Variants in LRRC37A2 observed in about 807,000 individuals in gnomAD.
LRRC37A2 encodes the protein leucine rich repeat containing 37 member A2.
LRRC37A2 carries 9 observed loss-of-function variants against 68.8 expected under a neutral mutation model. That is an observed-to-expected ratio of 0.13 (90% CI 0.08 to 0.23). The LOEUF (loss-of-function observed/expected upper bound fraction) is 0.23. LRRC37A2 is among the 10% of genes least tolerant of loss of function. LRRC37A2 has a pLI of 1.00. For missense variants in LRRC37A2, 168 were observed against 950.4 expected (o/e 0.18, Z 10.82); for synonymous variants, 63 against 367.6 (o/e 0.17, Z 9.48).
At chr17:47,037,661 C>T in the LRRC37A2 span, among the ~76,000 whole-genome samples, 1 of 152,198 alleles carries the variant, frequency 6.6e-6, no homozygotes. Flanking sequence ...GTTCTCTCCT[C>T]ATCTGTATTT....
chr17:46,721,809 G>A, the LRRC37A2 span: 17 of 1,599,126 alleles, frequency 1.1e-5, no homozygotes, highest in Non-Finnish European at 1.5e-5. Flanking sequence ...GTCAGAGTAC[G>A]GCTCCTGGGA....
the LRRC37A2 span, among the ~76,000 whole-genome samples, chr17:46,722,987 GC>G: frequency 9.8e-5 from 15 of 152,328 alleles, no homozygotes; most frequent in Non-Finnish European, 1.9e-4. Context: ...TTAAGTGACT[GC>G]TGCAGGTATT....
At chr17:46,543,660 T>C (rs1437828271) in intron 8 of LRRC37A2, among the ~76,000 whole-genome samples, 5 of 150,840 alleles carry the variant, frequency 3.3e-5, no homozygotes, top group Non-Finnish European at 7.3e-5. Flanking sequence ...GTCCAGAAAA[T>C]GTATAGACAT....
chr17:47,016,672 T>C, the LRRC37A2 span, among the ~76,000 whole-genome samples: 15,033 of 28,976 alleles, frequency 0.52, 3,980 homozygotes, highest in South Asian at 0.73. Flanking sequence ...AGTCCTCGCT[T>C]ATTCCCTGGC....
the LRRC37A2 span, chr17:46,979,020 C>T: frequency 1.0e-5 from 14 of 1,393,038 alleles, no homozygotes; most frequent in Non-Finnish European, 1.3e-5. Context: ...CCGCGCGGCG[C>T]CGGGGGTCTC....
At chr17:47,022,422 G>A in the LRRC37A2 span, among the ~76,000 whole-genome samples, 1 of 149,448 alleles carries the variant, frequency 6.7e-6, no homozygotes, top group Non-Finnish European at 1.5e-5. Flanking sequence ...CTCCCACCTT[G>A]GCCTCTTAAA....
chr17:46,804,728 A>T, the LRRC37A2 span, among the ~76,000 whole-genome samples: 1 of 152,200 alleles, frequency 6.6e-6, no homozygotes, highest in Non-Finnish European at 1.5e-5. Context: ...TCAACTGGGG[A>T]CTTGGAGAAC....
chr17:47,030,063 A>AAAT, the LRRC37A2 span, among the ~76,000 whole-genome samples: 3,365 of 75,194 alleles, frequency 0.045, 177 homozygotes, highest in Admixed American at 0.048. Flanking sequence ...ACTCTGTCTC[A>AAAT]AATAATAATA....
the LRRC37A2 span, among the ~76,000 whole-genome samples, chr17:46,820,845 C>T: frequency 3.9e-5 from 6 of 152,270 alleles, no homozygotes; most frequent in East Asian, 1.2e-3. Context: ...AGCCCCATGA[C>T]AGTGGTGCTG....
At chr17:46,844,186 G>A in the LRRC37A2 span, among the ~76,000 whole-genome samples, 1 of 151,896 alleles carries the variant, frequency 6.6e-6, no homozygotes, top group Non-Finnish European at 1.5e-5. Context: ...TGAACTCCTG[G>A]CCTCAAGCAA....
chr17:46,867,655 T>C, the LRRC37A2 span, among the ~76,000 whole-genome samples: 1 of 152,184 alleles, frequency 6.6e-6, no homozygotes, highest in Non-Finnish European at 1.5e-5. Flanking sequence ...TCTGCTTCCT[T>C]CAAGGTCACC....
the LRRC37A2 span, among the ~76,000 whole-genome samples, chr17:46,897,505 C>T: frequency 2.0e-5 from 3 of 152,122 alleles, no homozygotes; most frequent in African/African-American, 7.2e-5. Flanking sequence ...TTACCATGAG[C>T]CAGTATTGGG....
chr17:46,605,416 C>T, the LRRC37A2 span, among the ~76,000 whole-genome samples: 1 of 144,686 alleles, frequency 6.9e-6, no homozygotes, highest in African/African-American at 2.5e-5. Flanking sequence ...CCATTGCATG[C>T]CAGCCTGGGC....
the LRRC37A2 span, among the ~76,000 whole-genome samples, chr17:47,009,938 T>C: frequency 1.6e-4 from 25 of 152,364 alleles, no homozygotes; most frequent in African/African-American, 5.8e-4. Context: ...TGGTGACTAA[T>C]GGTGTTGGGA....
At chr17:47,012,106 A>G in the LRRC37A2 span, among the ~76,000 whole-genome samples, 1 of 152,214 alleles carries the variant, frequency 6.6e-6, no homozygotes, top group Non-Finnish European at 1.5e-5. Context: ...TGATGGTTGA[A>G]AAATGATTAT....
At chr17:46,972,343 T>A in the LRRC37A2 span, among the ~76,000 whole-genome samples, 2 of 152,254 alleles carry the variant, frequency 1.3e-5, no homozygotes, top group Non-Finnish European at 2.9e-5. Context: ...CCCTTCTTCA[T>A]TTCTAGTCCA....
At chr17:46,783,686 C>T in the LRRC37A2 span, among the ~76,000 whole-genome samples, 4 of 152,142 alleles carry the variant, frequency 2.6e-5, no homozygotes, top group Non-Finnish European at 5.9e-5. Context: ...GTCCTCACTG[C>T]CTCTGGAGGG....
chr17:47,025,857 G>A, the LRRC37A2 span, among the ~76,000 whole-genome samples: 14 of 115,980 alleles, frequency 1.2e-4, no homozygotes, highest in African/African-American at 3.4e-4. Flanking sequence ...ATAAAACTAC[G>A]TTTCCTTTAA....
the LRRC37A2 span, among the ~76,000 whole-genome samples, chr17:46,631,107 T>C: frequency 3.1e-3 from 173 of 55,348 alleles, no homozygotes; most frequent in South Asian, 0.035. Context: ...CACACACACA[T>C]CTTTTATCCT....
Sources: allele counts gnomAD v4.1 joint callset (sites outside exome capture counted in the v4.1 genomes callset), GRCh38; gene constraint gnomAD v4.1.1; transcripts MANE v1.5; gene names NCBI Gene and HGNC (gene_info 2026-07-23, HGNC 2026-07-21).